IL6ST: variants seen among roughly 807,000 people sequenced by gnomAD.
IL6ST encodes interleukin-6 receptor subunit beta.
Under a neutral mutation model 91.3 loss-of-function variants are expected in IL6ST, and 24 were observed. The ratio of observed to expected loss-of-function variants is 0.26; its 90% confidence interval spans 0.19 to 0.37. The LOEUF (loss-of-function observed/expected upper bound fraction) is 0.37. Ranked by LOEUF, IL6ST falls within the 10% of genes least tolerant of loss-of-function variation. IL6ST has a pLI of 1.00. For synonymous variants in IL6ST, 351 were observed against 373.6 expected, an observed-to-expected ratio of 0.94 and a Z score of 0.70; for missense variants, 914 against 1,078.5, an observed-to-expected ratio of 0.85 and a Z score of 2.14.
chr5:55,982,853 T>TA, intron 1 of IL6ST, 42 bp from the exon 2 acceptor site: 1 of 397,974 alleles, frequency 2.5e-6, no homozygotes, highest in Non-Finnish European at 4.4e-6. Flanking sequence ...CTGGCTTTGA[T>TA]AATTTTATTA....
Position 55,959,659 on chromosome 5 carries a change from G to A in IL6ST, c.973+743C>T, listed in dbSNP as rs777199004. The A allele has an allele frequency of 1.6e-5, 21 of 1,295,526 alleles. No homozygotes were observed. The East Asian group carries it at 9.6e-4, about 59-fold the overall frequency. 80.3% of individuals were successfully genotyped at this position (1,295,526 alleles called of 1,614,324 possible). Reference sequence around the variant, plus strand: ...ATTCCAGGATCAACCGCTTCCCAGGGGCTTATCAAGTGCTATTAGAAAAAA... The same window carrying A: ...ATTCCAGGATCAACCGCTTCCCAGGAGCTTATCAAGTGCTATTAGAAAAAA... On this transcript the variant is annotated intron_variant, in intron 8 of 16. Coordinates refer to ENST00000381298, the MANE Select transcript of IL6ST (RefSeq NM_002184.4).
At chr5:55,943,346 ATTGAATTTTTAAT>A (rs1370768333) in intron 15 of IL6ST, among the ~76,000 whole-genome samples, 1 of 152,222 alleles carries the variant, frequency 6.6e-6, no homozygotes, top group Non-Finnish European at 1.5e-5. Context: ...TTATAAAGAA[ATTGAATTTTTAAT>A]TAAAAACCTT....
intron 11 of IL6ST, among the ~76,000 whole-genome samples, chr5:55,954,320 C>T (rs918762819): frequency 6.6e-6 from 1 of 152,192 alleles, no homozygotes; most frequent in Non-Finnish European, 1.5e-5. Flanking sequence ...CACCATAACA[C>T]ACAGACTGGA....
rs1580806596 is a variant in IL6ST, at chr5:55,954,818, T to C, written c.1442A>G (p.Tyr481Cys). ...QQEDGTVHRT[Y>C]LRGNLAESKC... ...TTTCTAGCCAGGTATACCTCTTAAA[T>C]AGGTGCGATGCACGGTACCATCTTC... is the stretch of plus-strand genomic sequence containing the variant. Residue 481 changes from tyrosine to cysteine, a missense_variant, in exon 11 of 17, where the codon TAT becomes TGT. By Grantham distance (194) the Tyr-to-Cys change is radical. Transcript: ENST00000381298. The C allele has an allele frequency of 1.2e-6, 2 of 1,604,046 alleles. No homozygotes were observed. The highest frequency in any genetic ancestry group is 8.5e-7 in the Non-Finnish European group (1 of 1,176,320).
intron 5 of IL6ST, among the ~76,000 whole-genome samples, chr5:55,968,056 G>GT (rs1282745600): frequency 1.3e-5 from 2 of 152,090 alleles, no homozygotes; most frequent in Admixed American, 6.6e-5. Context: ...CTCAGCCTCC[G>GT]TAAGTGCTGG....
chr5:55,981,586 C>T (rs1319117480), intron 2 of IL6ST, among the ~76,000 whole-genome samples: 13 of 151,816 alleles, frequency 8.6e-5, no homozygotes, highest in African/African-American at 1.7e-4. Flanking sequence ...GAGGTTGCAG[C>T]GAGCCAAGAT....
chr5:55,972,368 C>T (rs1289809756), intron 3 of IL6ST, among the ~76,000 whole-genome samples: 4 of 151,882 alleles, frequency 2.6e-5, no homozygotes, highest in Non-Finnish European at 4.4e-5. Context: ...AAAAATTAGC[C>T]GGGCGTGGTG....
At chr5:55,989,193 C>CATAGCACTGATTGGCAAATGA (rs1754173719) in intron 1 of IL6ST, among the ~76,000 whole-genome samples, 1 of 135,822 alleles carries the variant, frequency 7.4e-6, no homozygotes, top group Non-Finnish European at 1.6e-5. Flanking sequence ...GTAAAGTAAA[C>CATAGCACTGATTGGCAAATGA]ATAGCACTGA....
rs1178669408 is a variant in IL6ST, at chr5:55,951,501, C to T, written c.1803G>A (p.Lys601=). ...TAGTAAAAGTGAATTCTGGACCATC[C>T]TTCCCACCTTCATCTGTGTATGCTG... ...RMAAYTDEGG[K]DGPEFTFTTP... Residue 601 remains lysine (K), a synonymous_variant, in exon 14 of 17, where the codon AAG becomes AAA. Transcript: ENST00000381298. The T allele has an allele frequency of 1.2e-6, 2 of 1,613,272 alleles. No homozygotes were observed. Among genetic ancestry groups the T allele is most frequent in the African/African-American group, 2.7e-5 (2 of 74,900 alleles).
rs956598711 is a variant in IL6ST, at chr5:55,969,936, T to C, written c.65-81A>G. The C allele has an allele frequency of 8.1e-6, 7 of 859,806 alleles. No homozygotes were observed. The African/African-American group carries it at 8.4e-5, about 10-fold the overall frequency. The allele number at this position is 859,806 out of a possible 1,614,324, so 53.3% of individuals were successfully genotyped here. On this transcript the variant is annotated intron_variant, in intron 3 of 16. Transcript: ENST00000381298. ...GATATCTAGCTGGTAGCACTCAATG[T>C]AGAGTCCCTCAACCGTCACTAAAAT... is the stretch of plus-strand genomic sequence containing the variant.
At chr5:55,988,495 G>A (rs149543664) in intron 1 of IL6ST, among the ~76,000 whole-genome samples, 10 of 151,636 alleles carry the variant, frequency 6.6e-5, no homozygotes, top group African/African-American at 1.7e-4. Context: ...CAGCTGGCGC[G>A]GTGGCTCACG....
intron 2 of IL6ST, among the ~76,000 whole-genome samples, chr5:55,980,588 C>T (rs1460759205): frequency 6.6e-6 from 1 of 152,096 alleles, no homozygotes; most frequent in Non-Finnish European, 1.5e-5. Context: ...AAGGTTCAAA[C>T]TATTGGGTAC....
rs768006329 is a variant in IL6ST at position 55,952,282 on chromosome 5, G to A, written c.1520C>T (p.Pro507Leu). 1.1e-5 allele frequency: 17 copies of A among 1,610,626 alleles called. No homozygotes were observed. The highest frequency in any genetic ancestry group is 3.3e-5 in the Admixed American group (2 of 59,936). The change falls in exon 12 of 17, where the codon CCT becomes CTT. Residue 507 changes from proline to leucine, a missense_variant. Pro to Leu is a moderately conservative substitution (Grantham distance 98). Coordinates refer to ENST00000381298, the MANE Select transcript of IL6ST (RefSeq NM_002184.4). ...TTTAAGGTATGCCTTTATGGATTCA[G>A]GGCTTCCTGGTCCATCAGCATATAC... is the stretch of plus-strand genomic sequence containing the variant. ...TPVYADGPGS[P>L]ESIKAYLKQA...
At chr5:55,947,441 T>G in intron 15 of IL6ST, 52 bp downstream of exon 15, 1 of 945,192 alleles carries the variant, frequency 1.1e-6, no homozygotes. Context: ...GCATGTAAAT[T>G]CAGCTCAATA....
rs1752862051 is a variant in IL6ST, at chr5:55,969,860, A to G, written c.65-5T>C. 6.4e-7 allele frequency: 1 copy of G among 1,567,458 alleles called. No individual in the cohort carries two copies. ...CACATGGATCTAGAAGTTCACCTAA[A>G]AAGGAACAATAGAAAATATATAAAT... On this transcript the variant is annotated splice_polypyrimidine_tract_variant and splice_region_variant and intron_variant, in intron 3 of 16. Transcript: ENST00000381298.
In IL6ST at chr5:55,940,336, G is replaced by A. The variant is rs1380982128; in HGVS notation, c.*746C>T. On this transcript the variant is annotated 3_prime_UTR_variant, in exon 17 of 17. Coordinates refer to ENST00000381298, the MANE Select transcript of IL6ST (RefSeq NM_002184.4). ...TCCCTAGCTCTTATCATGGCACTCT[G>A]TTGAGTTTGTGAAATGCATCTTCAA... is the stretch of plus-strand genomic sequence containing the variant. The A allele has an allele frequency of 1.9e-5, 4 of 209,036 alleles. No homozygotes were observed. Among genetic ancestry groups the A allele is most frequent in the Admixed American group, 5.9e-5 (1 of 16,912 alleles). The allele number at this position is 209,036 out of a possible 1,614,324, so 12.9% of individuals were successfully genotyped here.
intron 2 of IL6ST, among the ~76,000 whole-genome samples, chr5:55,981,464 G>A (rs924142888): frequency 6.6e-6 from 1 of 152,024 alleles, no homozygotes; most frequent in African/African-American, 2.4e-5. Flanking sequence ...CCAATATGAT[G>A]AAGCCCCGTC....
At chr5:55,984,859 G>A (rs1250978384) in intron 1 of IL6ST, among the ~76,000 whole-genome samples, 1 of 152,064 alleles carries the variant, frequency 6.6e-6, no homozygotes. Flanking sequence ...CTGTAACAAA[G>A]GGATGCTCTA....
chr5:55,947,564 G>T lies in IL6ST; in HGVS notation c.1866C>A (p.Val622=). The part of the protein sequence containing the change: ...KFAQGEIEAI[V]VPVCLAFLLT... ...ATAGGAATGCTAAGCAAACAGGCAC[G>T]ACTATGGCTTCAATTTCTCCTTGAG... The change falls in exon 15 of 17, where the codon GTC becomes GTA. Residue 622 remains valine, a synonymous_variant. Transcript: ENST00000381298. 2 of 1,160,480 alleles carry T rather than the reference G, an allele frequency of 1.7e-6. No homozygotes were observed. Among genetic ancestry groups the T allele is most frequent in the Non-Finnish European group, 2.4e-6 (2 of 837,574 alleles). The allele number at this position is 1,160,480 out of a possible 1,614,324, so 71.9% of individuals were successfully genotyped here.
Sources: gnomAD v4.1 joint callset for allele counts (sites outside exome capture counted in the v4.1 genomes callset) on GRCh38, gnomAD v4.1.1 for gene constraint, MANE v1.5 for transcripts, NCBI Gene and HGNC (gene_info 2026-07-23, HGNC 2026-07-21) for gene names.